Variants in PCGF5 observed in about 807,000 individuals in gnomAD.
PCGF5 encodes the protein polycomb group ring finger 5, also known as polycomb group RING finger protein 5.
In PCGF5, 9 loss-of-function variants were observed where a neutral mutation model predicts 44.3. The ratio of observed to expected loss-of-function variants is 0.20; its 90% CI spans 0.12 to 0.35. The LOEUF is 0.35. PCGF5 is among the 10% of genes least tolerant of loss of function. The pLI, the probability that PCGF5 is intolerant of heterozygous loss-of-function variation, is 1.00. For missense variants in PCGF5, 146 were observed against 305.3 expected (o/e 0.48, Z 3.89); for synonymous variants, 95 against 102.5 (o/e 0.93, Z 0.44).
chr10:91,198,204 A>G (rs377227564), intron 1 of PCGF5, among the ~76,000 whole-genome samples: 1 of 152,206 alleles, frequency 6.6e-6, no homozygotes, highest in East Asian at 1.9e-4. Context: ...TTGAACCCAC[A>G]GTCCTTACAG....
chr10:91,258,960 A>G lies in PCGF5; in HGVS notation c.475-2366A>G, dbSNP rs569555822. Among the ~76,000 whole-genome samples, 3 of 152,294 alleles carry G rather than the reference A, an allele frequency of 2.0e-5. No homozygotes were observed. The South Asian group carries it at 6.2e-4, about 32-fold the overall frequency. ...CTCATTTCCTATACATACAAATAGG[A>G]GTAATATCTTTAAAAGATTCTATTG... is the stretch of plus-strand genomic sequence containing the variant. On this transcript the variant is annotated intron_variant, in intron 6 of 9. Transcript: ENST00000336126.
intron 5 of PCGF5, among the ~76,000 whole-genome samples, chr10:91,250,913 C>T (rs946045433): frequency 4.0e-5 from 6 of 151,060 alleles, no homozygotes; most frequent in Admixed American, 6.6e-5. Context: ...TATTTATAAA[C>T]GAGTATAATT....
intron 3 of PCGF5, among the ~76,000 whole-genome samples, chr10:91,241,901 AT>A (rs1845337891): frequency 6.6e-6 from 1 of 152,152 alleles, no homozygotes; most frequent in Non-Finnish European, 1.5e-5. Context: ...CATTAGTATC[AT>A]GTTAGAAGTG....
In PCGF5 at chr10:91,251,431, T is replaced by A. The variant is rs746372818; in HGVS notation, c.465T>A (p.Asn155Lys). ...CLRNNGQSGDNVVKGLMKKFI... is the reference protein window; with the variant it reads ...CLRNNGQSGDKVVKGLMKKFI... ...GAAATAATGGGCAATCAGGGGACAA[T>A]GTAGTAAAGGTGAGTGAACAAGTAC... The change falls in exon 6 of 10, where the codon AAT (asparagine) becomes AAA (lysine). Residue 155 changes from asparagine to lysine, a missense_variant. Around this residue, in one of 3 missense-constraint regions of PCGF5, gnomAD observed 123 missense variants for 268.6 expected, o/e 0.46. Transcript: ENST00000336126. The A allele has an allele frequency of 6.2e-7, 1 of 1,610,898 alleles. No homozygotes were observed. Among genetic ancestry groups the A allele is most frequent in the Non-Finnish European group, 8.5e-7 (1 of 1,177,838 alleles).
chr10:91,200,847 G>C (rs929800887), intron 1 of PCGF5, among the ~76,000 whole-genome samples: 1 of 152,152 alleles, frequency 6.6e-6, no homozygotes, highest in Admixed American at 6.5e-5. Context: ...ATTCAATGAA[G>C]TAATTGATGT....
chr10:91,228,993 T>C (rs1239076690), intron 2 of PCGF5, among the ~76,000 whole-genome samples: 1 of 152,230 alleles, frequency 6.6e-6, no homozygotes, highest in Non-Finnish European at 1.5e-5. Context: ...TAGCATCCTT[T>C]AAAGTAGGCA....
intron 1 of PCGF5, among the ~76,000 whole-genome samples, chr10:91,183,220 G>T (rs1843854454): frequency 6.6e-6 from 1 of 151,974 alleles, no homozygotes; most frequent in African/African-American, 2.4e-5. Context: ...TTATTGTGTG[G>T]GAGTCTTAAG....
At chr10:91,198,686 C>T (rs1844191617) in intron 1 of PCGF5, among the ~76,000 whole-genome samples, 1 of 152,214 alleles carries the variant, frequency 6.6e-6, no homozygotes, top group Non-Finnish European at 1.5e-5. Context: ...ATGGGAATCT[C>T]CCTGGCCTAT....
At chr10:91,219,247 C>G (rs1163459138), upstream of PCGF5, among the ~76,000 whole-genome samples, 2 of 152,174 alleles carry the variant, frequency 1.3e-5, no homozygotes, top group African/African-American at 4.8e-5. Context: ...CTAAAACCCG[C>G]CTTCAAGCTC....
upstream of PCGF5, among the ~76,000 whole-genome samples, chr10:91,158,661 A>T (rs1347643836): frequency 6.6e-6 from 1 of 152,208 alleles, no homozygotes; most frequent in Non-Finnish European, 1.5e-5. Flanking sequence ...CTAGGTAAAA[A>T]GGAAGAGGGA....
At chr10:91,270,850 TTG>T (rs1040392399) in intron 8 of PCGF5, among the ~76,000 whole-genome samples, 12 of 152,184 alleles carry the variant, frequency 7.9e-5, no homozygotes, top group Admixed American at 6.5e-5. Context: ...ATTTTATGTT[TTG>T]TAGTCCAATT....
chr10:91,272,987 A>G (rs985408042), intron 9 of PCGF5, among the ~76,000 whole-genome samples: 3 of 152,234 alleles, frequency 2.0e-5, no homozygotes, highest in Non-Finnish European at 4.4e-5. Flanking sequence ...GAAATTGCTA[A>G]TTGAAAATGT....
chr10:91,241,630 G>A (rs540638549), intron 3 of PCGF5, among the ~76,000 whole-genome samples: 1 of 151,588 alleles, frequency 6.6e-6, no homozygotes, highest in South Asian at 2.1e-4. Context: ...AGCACAAAAG[G>A]GGTCAATTCC....
rs1253281382 is a variant in PCGF5 at position 91,279,155 on chromosome 10, A to G, written c.*839A>G. 1 of 152,194 alleles carries G rather than the reference A, an allele frequency of 6.6e-6. No individual in the cohort carries two copies. The highest frequency in any genetic ancestry group is 2.4e-5 in the African/African-American group (1 of 41,458). The allele number at this position is 152,194 out of a possible 1,614,324, so 9.4% of individuals were successfully genotyped here. A position where few individuals can be genotyped will look rare whatever the true frequency, so the allele number is the denominator to read the frequency against. ...GAAACGTCATTGTATAGCCCATTTCATGTATCATTACATTGTTGCTGTTAT... is the reference window on the plus strand; with the variant it reads ...GAAACGTCATTGTATAGCCCATTTCGTGTATCATTACATTGTTGCTGTTAT... On this transcript the variant is annotated 3_prime_UTR_variant, in exon 10 of 10. Coordinates refer to ENST00000336126, the MANE Select transcript of PCGF5 (RefSeq NM_032373.5).
intron 2 of PCGF5, among the ~76,000 whole-genome samples, chr10:91,226,693 A>G (rs1372383380): frequency 6.6e-6 from 1 of 151,734 alleles, no homozygotes; most frequent in African/African-American, 2.4e-5. Context: ...GTAGGTAGAT[A>G]TAGAAAGAAG....
intron 1 of PCGF5, among the ~76,000 whole-genome samples, chr10:91,174,736 T>C (rs922472243): frequency 6.6e-6 from 1 of 152,226 alleles, no homozygotes; most frequent in South Asian, 2.1e-4. Flanking sequence ...AGAAAAATTA[T>C]GGCTGTTAAA....
chr10:91,160,636 CTG>C (rs1491186393), upstream of PCGF5, among the ~76,000 whole-genome samples: 2 of 151,628 alleles, frequency 1.3e-5, no homozygotes, highest in Non-Finnish European at 2.9e-5. Context: ...AGAAGAGACT[CTG>C]GGGGGGAAAA....
intron 2 of PCGF5, among the ~76,000 whole-genome samples, chr10:91,231,937 G>C (rs1845015961): frequency 6.6e-6 from 1 of 152,174 alleles, no homozygotes; most frequent in South Asian, 2.1e-4. Context: ...CGGAATGTAA[G>C]TTATAACATA....
chr10:91,268,444 G>T (rs1284317524), intron 8 of PCGF5, among the ~76,000 whole-genome samples: 2 of 152,082 alleles, frequency 1.3e-5, no homozygotes, highest in Non-Finnish European at 2.9e-5. Flanking sequence ...GACTGGCATT[G>T]CGTTATATTT....
Sources: allele counts gnomAD v4.1 joint callset (sites outside exome capture counted in the v4.1 genomes callset), GRCh38; gene constraint gnomAD v4.1.1; regional missense constraint gnomAD v4.1.1; transcripts MANE v1.5; gene names NCBI Gene and HGNC (gene_info 2026-07-23, HGNC 2026-07-21).